The following TRIP12 variants were observed in gnomAD, a reference collection of about 807,000 sequenced individuals.
The protein encoded by TRIP12 is E3 ubiquitin-protein ligase TRIP12.
A neutral mutation model predicts 244.2 loss-of-function variants in TRIP12; 25 were observed. The observed-to-expected ratio is 0.10, with a 90% CI of 0.07 to 0.14. The LOEUF (loss-of-function observed/expected upper bound fraction) is 0.14, where lower values mean the gene tolerates loss of function less well. TRIP12 is among the 10% of genes least tolerant of loss of function. The pLI, the probability that TRIP12 is intolerant of heterozygous loss-of-function variation, is 1.00. For synonymous variants in TRIP12, 905 were observed against 873.1 expected, an observed-to-expected ratio of 1.04 and a Z score of -0.64; for missense variants, 1,677 against 2,486.4, an observed-to-expected ratio of 0.67 and a Z score of 6.92.
chr2:229,808,363 G>T lies in TRIP12; in HGVS notation c.2228C>A (p.Ala743Glu), dbSNP rs1279213762. 2 of 1,610,460 alleles carry T rather than the reference G, an allele frequency of 1.2e-6. No individual in the cohort carries two copies. Among genetic ancestry groups the T allele is most frequent in the Non-Finnish European group, 8.5e-7 (1 of 1,178,694 alleles). The change falls in exon 16 of 42, where the codon GCA (alanine) becomes GAA (glutamate). Residue 743 changes from alanine to glutamate, a missense_variant. This residue lies in a region of TRIP12 where 572 missense variants were observed against 867.8 expected (regional missense o/e 0.66). Transcript: ENST00000675903. The part of the protein sequence containing the change: ...LAVQLMKQNI[A>E]ETLHFLLCGA... ...ACACAGGAGAAAGTGAAGCGTTTCTGCAATGTCTGTAAAAACCAACAACAA... is the reference window on the plus strand; with the variant it reads ...ACACAGGAGAAAGTGAAGCGTTTCTTCAATGTCTGTAAAAACCAACAACAA...
chr2:229,862,036 T>TTTG (rs1313572735), intron 2 of TRIP12, among the ~76,000 whole-genome samples: 5 of 152,212 alleles, frequency 3.3e-5, no homozygotes, highest in South Asian at 2.1e-4. Context: ...ACATTGTGTT[T>TTTG]TTGTTGTTGT....
chr2:229,854,228 T>C (rs994172094), intron 4 of TRIP12, among the ~76,000 whole-genome samples: 2 of 152,210 alleles, frequency 1.3e-5, no homozygotes, highest in Admixed American at 6.5e-5. Flanking sequence ...CTCCACACTC[T>C]ATGTCCACGT....
At chr2:229,831,345 G>A (rs1056760934) in intron 6 of TRIP12, among the ~76,000 whole-genome samples, 3 of 152,172 alleles carry the variant, frequency 2.0e-5, no homozygotes, top group Non-Finnish European at 2.9e-5. Context: ...CTTCAAGAGT[G>A]CAAAAAGATA....
chr2:229,842,804 A>G (rs1343868712), intron 4 of TRIP12, among the ~76,000 whole-genome samples: 1 of 152,224 alleles, frequency 6.6e-6, no homozygotes, highest in Non-Finnish European at 1.5e-5. Context: ...AAGTGATGAC[A>G]TATTTTTTAA....
intron 8 of TRIP12, among the ~76,000 whole-genome samples, chr2:229,822,415 T>C (rs1026541587): frequency 1.3e-5 from 2 of 152,198 alleles, no homozygotes; most frequent in Non-Finnish European, 2.9e-5. Flanking sequence ...ATTTGCAAAG[T>C]TGTCAATCAA....
chr2:229,793,824 G>A (rs895846551), intron 26 of TRIP12, among the ~76,000 whole-genome samples: 3 of 150,920 alleles, frequency 2.0e-5, no homozygotes, highest in African/African-American at 2.4e-5. Flanking sequence ...ACATAAATTC[G>A]TAAACTTTCT....
chr2:229,799,463 T>A, intron 21 of TRIP12, 80 bp from the exon 22 acceptor site: 1 of 1,297,832 alleles, frequency 7.7e-7, no homozygotes, highest in Non-Finnish European at 1.1e-6. Context: ...CAAACTAAAA[T>A]GGCAGAAACA....
chr2:229,867,106 T>TG (rs539618899), intron 2 of TRIP12, among the ~76,000 whole-genome samples: 18 of 150,988 alleles, frequency 1.2e-4, no homozygotes, highest in East Asian at 5.8e-4. Context: ...GGTTTTTTTT[T>TG]TTGTTTTTTT....
chr2:229,796,118 T>C (rs1462502518), intron 25 of TRIP12, among the ~76,000 whole-genome samples: 2 of 152,230 alleles, frequency 1.3e-5, no homozygotes, highest in African/African-American at 4.8e-5. Flanking sequence ...CTCTGTGGCT[T>C]TGTAATCCAC....
At chr2:229,873,685 C>T (rs528210968) in intron 2 of TRIP12, among the ~76,000 whole-genome samples, 6 of 152,110 alleles carry the variant, frequency 3.9e-5, no homozygotes, top group Non-Finnish European at 5.9e-5. Flanking sequence ...GAAAACACAA[C>T]TCTATTTCTT....
At chr2:229,814,650 T>C (rs2154281933) in intron 11 of TRIP12, among the ~76,000 whole-genome samples, 1 of 152,296 alleles carries the variant, frequency 6.6e-6, no homozygotes, top group South Asian at 2.1e-4. Context: ...CTTTACACCA[T>C]ACTGCAAGTT....
chr2:229,785,543 C>G (rs2039753191), intron 34 of TRIP12, among the ~76,000 whole-genome samples: 1 of 152,188 alleles, frequency 6.6e-6, no homozygotes, highest in African/African-American at 2.4e-5. Flanking sequence ...TAAAGACTAA[C>G]AACACAAATG....
chr2:229,807,817 G>T lies in TRIP12; in HGVS notation c.2387C>A (p.Thr796Asn), dbSNP rs377414186. The change falls in exon 17 of 42, where the codon ACC becomes AAC. Residue 796 changes from threonine to asparagine, a missense_variant. Coordinates refer to ENST00000675903, the MANE Select transcript of TRIP12 (RefSeq NM_001348323.3). ...LPKEGIFAVD[T>N]MLKKGNAQNT... Reference sequence around the variant, plus strand: ...CTGTGCATTTCCCTTCTTCAACATGGTATCAACTGCAAAAATGCCTTCTTT... The same window carrying T: ...CTGTGCATTTCCCTTCTTCAACATGTTATCAACTGCAAAAATGCCTTCTTT... The T allele has an allele frequency of 5.0e-6, 8 of 1,613,928 alleles. No homozygotes were observed. Among genetic ancestry groups the T allele is most frequent in the Non-Finnish European group, 6.8e-6 (8 of 1,180,016 alleles).
At chr2:229,853,411 A>G (rs1172190080) in intron 4 of TRIP12, among the ~76,000 whole-genome samples, 1 of 152,210 alleles carries the variant, frequency 6.6e-6, no homozygotes, top group Non-Finnish European at 1.5e-5. Flanking sequence ...CTTTAAATAC[A>G]TGACCTGGCT....
At chr2:229,867,618 T>C (rs1412273822) in intron 2 of TRIP12, among the ~76,000 whole-genome samples, 2 of 152,190 alleles carry the variant, frequency 1.3e-5, no homozygotes, top group African/African-American at 4.8e-5. Context: ...TTGCAGTTAG[T>C]ATAAGAATCA....
intron 2 of TRIP12, among the ~76,000 whole-genome samples, chr2:229,878,681 C>T (rs929923960): frequency 5.3e-5 from 8 of 151,004 alleles, no homozygotes; most frequent in Non-Finnish European, 7.4e-5. Flanking sequence ...CCCGGGTTCA[C>T]GCCATTCTCC....
At chr2:229,876,247 G>C (rs2063554201) in intron 2 of TRIP12, among the ~76,000 whole-genome samples, 1 of 152,154 alleles carries the variant, frequency 6.6e-6, no homozygotes, top group African/African-American at 2.4e-5. Flanking sequence ...CTGCACTCCA[G>C]CCTGTGTGAC....
intron 17 of TRIP12, chr2:229,806,192 T>C (rs2045833019): frequency 4.8e-6 from 1 of 207,068 alleles, no homozygotes; most frequent in South Asian, 1.8e-4. Flanking sequence ...ACCATTTGTA[T>C]TGAGAATGCT....
intron 1 of TRIP12, among the ~76,000 whole-genome samples, chr2:229,894,993 G>A (rs2068406545): frequency 6.6e-6 from 1 of 152,030 alleles, no homozygotes; most frequent in African/African-American, 2.4e-5. Context: ...CATAATCTAA[G>A]GACAATGAAC....
Sources: gnomAD v4.1 joint callset for allele counts (sites outside exome capture counted in the v4.1 genomes callset) on GRCh38, gnomAD v4.1.1 for gene constraint, gnomAD v4.1.1 regional missense constraint, MANE v1.5 for transcripts, NCBI Gene and HGNC (gene_info 2026-07-23, HGNC 2026-07-21) for gene names.